The following PCDH18 variants were observed in gnomAD, a reference collection of about 807,000 sequenced individuals.
PCDH18 encodes the protein protocadherin-18.
A neutral mutation model predicts 71.5 loss-of-function variants in PCDH18; 38 were observed. The ratio of observed to expected loss-of-function variants is 0.53; its 90% CI spans 0.41 to 0.70. The LOEUF is 0.70. Ranked by LOEUF, PCDH18 falls within the 30% of genes least tolerant of loss-of-function variation. The pLI, the probability that PCDH18 is intolerant of heterozygous loss-of-function variation, is 0.00. For synonymous variants in PCDH18, 565 were observed against 505.4 expected, an observed-to-expected ratio of 1.12 and a Z score of -1.58; for missense variants, 1,334 against 1,384.6, an observed-to-expected ratio of 0.96 and a Z score of 0.58.
chr4:137,523,791 A>G (rs1435537417), intron 3 of PCDH18, among the ~76,000 whole-genome samples: 1 of 152,232 alleles, frequency 6.6e-6, no homozygotes, highest in Admixed American at 6.5e-5. Flanking sequence ...CTCAAAAATA[A>G]GTTTGGTCAT....
At chr4:137,522,959 C>T (rs895432261) in intron 3 of PCDH18, among the ~76,000 whole-genome samples, 5 of 152,070 alleles carry the variant, frequency 3.3e-5, no homozygotes, top group East Asian at 3.9e-4. Context: ...TGATTGAAGG[C>T]GTAGAAATTG....
rs190299071 is a variant in PCDH18, at chr4:137,529,004, T to C, written c.2488-184A>G. 8.9e-4 allele frequency: 525 copies of C among 592,426 alleles called. 1 individual carries two copies. The highest frequency in any genetic ancestry group is 4.9e-4 in the Non-Finnish European group (164 of 334,024). 36.7% of individuals were successfully genotyped at this position (592,426 alleles called of 1,614,324 possible). On this transcript the variant is annotated intron_variant, in intron 1 of 3. Transcript: ENST00000344876. Reference sequence around the variant, plus strand: ...AGCCAGCTACCAACTATAACTAAAATATATCTCAGAGAGATTTGGATGACC... The same window carrying C: ...AGCCAGCTACCAACTATAACTAAAACATATCTCAGAGAGATTTGGATGACC...
rs141378597 is a variant in PCDH18 at position 137,531,972 on chromosome 4, C to T, written c.117G>A (p.Arg39=). 6.2e-7 allele frequency: 1 copy of T among 1,613,828 alleles called. No homozygotes were observed. The highest frequency in any genetic ancestry group is 1.3e-5 in the African/African-American group (1 of 74,896). ...ATAGTCTTGCAATTACTGATCCAAC[C>T]CTCTGTTCCTCATAAATCCTGTATT... ...NLKYRIYEEQ[R]VGSVIARLSE... Residue 39 remains arginine (R), a synonymous_variant, in exon 1 of 4, where the codon AGG becomes AGA. Coordinates refer to ENST00000344876, the MANE Select transcript of PCDH18 (RefSeq NM_019035.5).
intron 1 of PCDH18, 74 bp from the exon 2 acceptor site, chr4:137,528,894 C>A: frequency 2.0e-6 from 2 of 1,001,324 alleles, no homozygotes; most frequent in South Asian, 2.6e-5. Context: ...GCAAGAAAAA[C>A]AGTTGCTTGC....
chr4:137,530,312 C>T lies in PCDH18; in HGVS notation c.1777G>A (p.Gly593Arg), dbSNP rs1731630793. 4 of 1,613,416 alleles carry T rather than the reference C, an allele frequency of 2.5e-6. No homozygotes were observed. The South Asian group carries it at 4.4e-5, about 18-fold the overall frequency. The change falls in exon 1 of 4, where the codon GGG (glycine) becomes AGG (arginine). Residue 593 changes from glycine to arginine, a missense_variant. Physicochemically the swap from Gly to Arg is moderately radical, Grantham distance 125 (BLOSUM62 -2). Transcript: ENST00000344876. ...GTGACATGAAAGCCACTTTCAGCCCCTTTGGGAATGGTGATTTCTGCCGTA... is the reference window on the plus strand; with the variant it reads ...GTGACATGAAAGCCACTTTCAGCCCTTTTGGGAATGGTGATTTCTGCCGTA... ...NNTAEITIPK[G>R]AESGFHVTRI...
At chr4:137,529,111 AC>A (rs1194603999) in intron 1 of PCDH18, 6 of 389,666 alleles carry the variant, frequency 1.5e-5, no homozygotes, top group Non-Finnish European at 2.8e-5. Flanking sequence ...AGACAAAGTG[AC>A]CACCTGTAAA....
chr4:137,526,958 T>TAAAA (rs750084137), intron 3 of PCDH18, among the ~76,000 whole-genome samples: 24 of 127,734 alleles, frequency 1.9e-4, no homozygotes, highest in African/African-American at 6.1e-4. Flanking sequence ...TTCCAAATCT[T>TAAAA]AAAAAAAAAA....
intron 3 of PCDH18, among the ~76,000 whole-genome samples, chr4:137,524,886 A>G (rs916297757): frequency 3.9e-5 from 6 of 152,186 alleles, no homozygotes; most frequent in African/African-American, 1.4e-4. Flanking sequence ...TAGACAGTGA[A>G]TATCAGTTTG....
Position 137,529,978 on chromosome 4 carries a change from A to G in PCDH18, c.2111T>C (p.Ile704Thr), listed in dbSNP as rs1249053463. Reference protein sequence around the residue: ...ASLDVSMIIIISLGAICAVLL... With the variant: ...ASLDVSMIIITSLGAICAVLL... Reference sequence around the variant, plus strand: ...CACTGCACAAATTGCTCCTAAGGAAATAATTATTATCATGGAGACATCCAA... The same window carrying G: ...CACTGCACAAATTGCTCCTAAGGAAGTAATTATTATCATGGAGACATCCAA... Residue 704 changes from isoleucine to threonine, a missense_variant, in exon 1 of 4, where the codon ATT (isoleucine) becomes ACT (threonine). Transcript: ENST00000344876. 2.5e-6 allele frequency: 4 copies of G among 1,613,768 alleles called. No individual in the cohort carries two copies. In the Admixed American group the frequency reaches 6.7e-5, roughly 27 times the overall value.
In PCDH18 at chr4:137,519,208, A is replaced by C. The variant is rs543105847; in HGVS notation, c.*1821T>G. 6.6e-6 allele frequency: 1 copy of C among 152,276 alleles called. No homozygotes were observed. Among genetic ancestry groups the C allele is most frequent in the East Asian group, 1.9e-4 (1 of 5,170 alleles). The allele number at this position is 152,276 out of a possible 1,614,324, so 9.4% of individuals were successfully genotyped here. ...ATGTGCCTGTTGAAAGAGGTAATATATTCTATTTAATGTGGTACTCATTTG... is the reference window on the plus strand; with the variant it reads ...ATGTGCCTGTTGAAAGAGGTAATATCTTCTATTTAATGTGGTACTCATTTG... On this transcript the variant is annotated 3_prime_UTR_variant, in exon 4 of 4. Coordinates refer to ENST00000344876, the MANE Select transcript of PCDH18 (RefSeq NM_019035.5).
At position 137,530,990 on chromosome 4, in the gene PCDH18, A is replaced by C; in HGVS notation, c.1099T>G (p.Ser367Ala). The C allele has an allele frequency of 2.5e-6, 4 of 1,612,680 alleles. No homozygotes were observed. Among genetic ancestry groups the C allele is most frequent in the Non-Finnish European group, 3.4e-6 (4 of 1,179,400 alleles). Residue 367 changes from serine (S) to alanine (A), a missense_variant, in exon 1 of 4, where the codon TCT (serine) becomes GCT (alanine). Coordinates refer to ENST00000344876, the MANE Select transcript of PCDH18 (RefSeq NM_019035.5). ...NLMSPGKEEI[S>A]YIFEGDPIDT... The stretch of plus-strand genomic sequence containing the variant: ...ATAGGATCCCCTTCAAAAATATAAG[A>C]TATTTCTTCTTTTCCAGGGGACATG...
Position 137,521,368 on chromosome 4 carries a change from A to G in PCDH18, c.3069T>C (p.Tyr1023=). The change falls in exon 4 of 4, where the codon TAT becomes TAC. Residue 1023 remains tyrosine (Y), a synonymous_variant. Transcript: ENST00000344876. ...QRLLPPSLDT[Y]SECSEVDRSN... ...ACCGATCCACCTCACTGCATTCAGA[A>G]TAGGTGTCCAGGGAAGGCGGTAAGA... 6.2e-7 allele frequency: 1 copy of G among 1,614,144 alleles called. No individual in the cohort carries two copies. Among genetic ancestry groups the G allele is most frequent in the Non-Finnish European group, 8.5e-7 (1 of 1,180,008 alleles).
At position 137,530,293 on chromosome 4, in the gene PCDH18, T is replaced by C. The variant is rs775388502; in HGVS notation, c.1796A>G (p.His599Arg). Residue 599 changes from histidine (H) to arginine (R), a missense_variant, in exon 1 of 4, where the codon CAT becomes CGT. Transcript: ENST00000344876. ...GTCAATTGCCCTTATTCTTGTGACATGAAAGCCACTTTCAGCCCCTTTGGG... is the reference window on the plus strand; with the variant it reads ...GTCAATTGCCCTTATTCTTGTGACACGAAAGCCACTTTCAGCCCCTTTGGG... ...TIPKGAESGF[H>R]VTRIRAIDRD... The C allele has an allele frequency of 1.1e-5, 18 of 1,613,902 alleles. No homozygotes were observed. The highest frequency in any genetic ancestry group is 1.5e-5 in the Non-Finnish European group (18 of 1,179,880).
chr4:137,527,985 T>C (rs1449582776), intron 3 of PCDH18, among the ~76,000 whole-genome samples: 2 of 152,192 alleles, frequency 1.3e-5, no homozygotes, highest in Non-Finnish European at 2.9e-5. Context: ...CTATTTTTAA[T>C]GCTTGAAGTG....
At position 137,530,827 on chromosome 4, in the gene PCDH18, G is replaced by A. The variant is rs774437643; in HGVS notation, c.1262C>T (p.Ala421Val). The part of the protein sequence containing the change: ...YENNYLILTN[A>V]TLDREKRSEY... The stretch of plus-strand genomic sequence containing the variant: ...AGATCTCTTTTCTCTATCCAGTGTG[G>A]CATTAGTTAAGATTAAATAATTGTT... The change falls in exon 1 of 4, where the codon GCC (alanine) becomes GTC (valine). Residue 421 changes from alanine to valine, a missense_variant. Physicochemically the swap from Ala to Val is moderately conservative, Grantham distance 64. Around this residue, in one of 3 missense-constraint regions of PCDH18, gnomAD observed 1,011 missense variants for 1,048.0 expected, o/e 0.96. Coordinates refer to ENST00000344876, the MANE Select transcript of PCDH18 (RefSeq NM_019035.5). 1 of 1,609,970 alleles carries A rather than the reference G, an allele frequency of 6.2e-7. No individual in the cohort carries two copies. Among genetic ancestry groups the A allele is most frequent in the Admixed American group, 1.7e-5 (1 of 59,728 alleles).
In PCDH18 at chr4:137,530,964, A is replaced by C. The variant is rs528923327; in HGVS notation, c.1125T>G (p.Ile375Met). The C allele has an allele frequency of 1.5e-5, 25 of 1,613,714 alleles. No individual in the cohort carries two copies. In the South Asian group the frequency reaches 2.3e-4, roughly 15 times the overall value. The change falls in exon 1 of 4, where the codon ATT becomes ATG. Residue 375 changes from isoleucine (I) to methionine (M), a missense_variant. Around this residue, in one of 3 missense-constraint regions of PCDH18, gnomAD observed 1,011 missense variants for 1,048.0 expected, o/e 0.96. Transcript: ENST00000344876. Reference protein sequence around the residue: ...EISYIFEGDPIDTFVALVRVQ... With the variant: ...EISYIFEGDPMDTFVALVRVQ... The stretch of plus-strand genomic sequence containing the variant: ...CTCTGACCAAAGCAACAAATGTATC[A>C]ATAGGATCCCCTTCAAAAATATAAG...
rs768686349 is a variant in PCDH18 at position 137,531,260 on chromosome 4, C to T, written c.829G>A (p.Ala277Thr). The change falls in exon 1 of 4, where the codon GCT becomes ACT. Residue 277 changes from alanine to threonine, a missense_variant. Physicochemically the swap from Ala to Thr is moderately conservative, Grantham distance 58. Coordinates refer to ENST00000344876, the MANE Select transcript of PCDH18 (RefSeq NM_019035.5). ...AAGGAATATACAATTTTCCCATTAG[C>T]GCCCTCATCTGGATCCGTGGCATTC... Reference protein sequence around the residue: ...DLNATDPDEGANGKIVYSFSS... With the variant: ...DLNATDPDEGTNGKIVYSFSS... 16 of 1,613,636 alleles carry T rather than the reference C, an allele frequency of 9.9e-6. No individual in the cohort carries two copies. Among genetic ancestry groups the T allele is most frequent in the African/African-American group, 8.0e-5 (6 of 74,874 alleles).
intron 3 of PCDH18, among the ~76,000 whole-genome samples, chr4:137,526,299 A>G (rs1731457098): frequency 6.6e-6 from 1 of 152,104 alleles, no homozygotes; most frequent in African/African-American, 2.4e-5. Context: ...AATTTCAATG[A>G]ATAAACATTA....
chr4:137,527,958 A>C (rs1731528101), intron 3 of PCDH18, among the ~76,000 whole-genome samples: 1 of 152,142 alleles, frequency 6.6e-6, no homozygotes, highest in Non-Finnish European at 1.5e-5. Context: ...ACCACCTACA[A>C]AGATGCATTC....
Sources: gnomAD v4.1 joint callset for allele counts (sites outside exome capture counted in the v4.1 genomes callset) on GRCh38, gnomAD v4.1.1 for gene constraint, gnomAD v4.1.1 regional missense constraint, MANE v1.5 for transcripts, NCBI Gene and HGNC (gene_info 2026-07-23, HGNC 2026-07-21) for gene names.